DGKD: variants seen among roughly 807,000 people sequenced by gnomAD.
DGKD encodes DAG kinase delta.
DGKD carries 68 observed loss-of-function variants against 154.4 expected under a neutral mutation model. The ratio of observed to expected loss-of-function variants is 0.44; its 90% CI spans 0.36 to 0.54. The LOEUF is 0.54. DGKD is among the 20% of genes least tolerant of loss of function. The pLI is 0.00. For missense variants in DGKD, 1,343 were observed against 1,593.6 expected, an observed-to-expected ratio of 0.84 and a Z score of 2.68; for synonymous variants, 693 against 638.0, an observed-to-expected ratio of 1.09 and a Z score of -1.30.
chr2:233,392,493 TAAAC>T (rs1703688348), intron 3 of DGKD: 1 of 152,256 alleles, frequency 6.6e-6, no homozygotes, highest in African/African-American at 2.4e-5. Context: ...ATTGCAGTTT[TAAAC>T]AATTGTTTTT....
intron 3 of DGKD, among the ~76,000 whole-genome samples, chr2:233,394,461 C>T (rs1703860817): frequency 6.6e-6 from 1 of 151,864 alleles, no homozygotes; most frequent in Non-Finnish European, 1.5e-5. Context: ...TCAGGCTGGT[C>T]TCAAACTCCT....
chr2:233,442,072 C>T (rs769887007), intron 10 of DGKD, 77 bp downstream of exon 10: 1 of 1,264,348 alleles, frequency 7.9e-7, no homozygotes. Context: ...GTCTCAGCTC[C>T]TGTTCATCTC....
intron 24 of DGKD, among the ~76,000 whole-genome samples, chr2:233,460,938 G>T (rs199781440): frequency 6.6e-6 from 1 of 151,640 alleles, no homozygotes; most frequent in Non-Finnish European, 1.5e-5. Flanking sequence ...GGCTCCCGAG[G>T]GCAGCCCGCT....
intron 6 of DGKD, 69 bp downstream of exon 6, chr2:233,435,993 C>A: frequency 7.0e-7 from 1 of 1,429,582 alleles, no homozygotes; most frequent in Non-Finnish European, 9.5e-7. Flanking sequence ...CCATGCAAGC[C>A]TCCTCCCTGC....
chr2:233,419,999 C>T (rs888578116), intron 3 of DGKD, among the ~76,000 whole-genome samples: 1 of 152,098 alleles, frequency 6.6e-6, no homozygotes, highest in Non-Finnish European at 1.5e-5. Context: ...TTCAGACACT[C>T]GAGCTATTTG....
In DGKD at chr2:233,438,129, G is replaced by T. The variant is rs749269530; in HGVS notation, c.923-88G>T. On this transcript the variant is annotated intron_variant, in intron 8 of 29. Coordinates refer to ENST00000264057, the MANE Select transcript of DGKD (RefSeq NM_152879.3). The surrounding 1 kb of genome is among the most constrained non-coding windows in gnomAD (Gnocchi z 4.1). ...GCATGTGTCAGGTGTGTGTCCTTTGGGGGGGTCTGCTGCTGCTGATTCCAT... is the reference window on the plus strand; with the variant it reads ...GCATGTGTCAGGTGTGTGTCCTTTGTGGGGGTCTGCTGCTGCTGATTCCAT... 69 of 1,457,882 alleles carry T rather than the reference G, an allele frequency of 4.7e-5. No individual in the cohort carries two copies. In the East Asian group the frequency reaches 5.3e-4, roughly 11 times the overall value. The allele number at this position is 1,457,882 out of a possible 1,614,324, so 90.3% of individuals were successfully genotyped here. A position where few individuals can be genotyped will look rare whatever the true frequency, so the allele number is the denominator to read the frequency against.
Position 233,469,299 on chromosome 2 carries a change from G to A in DGKD, c.3556-72G>A. On this transcript the variant is annotated intron_variant, in intron 29 of 29. Coordinates refer to ENST00000264057, the MANE Select transcript of DGKD (RefSeq NM_152879.3). ...AAGCCGAATGGGAAGGGCCGTTGTG[G>A]CAGGCCTGCTGTGGAGCCCTCTGGC... 2.2e-6 allele frequency: 3 copies of A among 1,342,526 alleles called. No homozygotes were observed. In the South Asian group the frequency reaches 3.7e-5, roughly 17 times the overall value. 83.2% of individuals were successfully genotyped at this position (1,342,526 alleles called of 1,614,324 possible).
intron 1 of DGKD, among the ~76,000 whole-genome samples, chr2:233,368,217 A>C (rs756740480): frequency 2.0e-5 from 3 of 151,226 alleles, no homozygotes; most frequent in Non-Finnish European, 4.4e-5. Context: ...CTGTAAAGAT[A>C]TTTTCTTGGG....
At position 233,470,406 on chromosome 2, in the gene DGKD, A is replaced by G. The variant is rs1469557649; in HGVS notation, c.*946A>G. ...GGGCCAGGGGTGGTTTGACCTCTTCAGCCCGTCCGGTGGCCTGGAGGCCGG... is the reference window on the plus strand; with the variant it reads ...GGGCCAGGGGTGGTTTGACCTCTTCGGCCCGTCCGGTGGCCTGGAGGCCGG... On this transcript the variant is annotated 3_prime_UTR_variant, in exon 30 of 30. Transcript: ENST00000264057. 2.6e-5 allele frequency: 4 copies of G among 152,428 alleles called. No individual in the cohort carries two copies. The highest frequency in any genetic ancestry group is 7.2e-5 in the African/African-American group (3 of 41,456). The allele number at this position is 152,428 out of a possible 1,614,324, so 9.4% of individuals were successfully genotyped here.
intron 3 of DGKD, among the ~76,000 whole-genome samples, chr2:233,402,732 C>T (rs946216399): frequency 6.6e-6 from 1 of 152,180 alleles, no homozygotes; most frequent in East Asian, 1.9e-4. Flanking sequence ...ACTTGTTTAT[C>T]CCAGAGAATG....
chr2:233,405,767 A>G (rs1236608886), intron 3 of DGKD, among the ~76,000 whole-genome samples: 1 of 152,220 alleles, frequency 6.6e-6, no homozygotes, highest in Admixed American at 6.5e-5. Flanking sequence ...AGTCTGTGGT[A>G]TTCTGTTACA....
chr2:233,470,636 C>G lies in DGKD; in HGVS notation c.*1176C>G, dbSNP rs941432252. On this transcript the variant is annotated 3_prime_UTR_variant, in exon 30 of 30. Transcript: ENST00000264057. ...AGGGCTGTGCCCCGTAGGGACAGTGCCCAGGTGAAGGATGCCCCTGGTCCT... is the reference window on the plus strand; with the variant it reads ...AGGGCTGTGCCCCGTAGGGACAGTGGCCAGGTGAAGGATGCCCCTGGTCCT... The G allele has an allele frequency of 2.0e-5, 3 of 152,454 alleles. No homozygotes were observed. Among genetic ancestry groups the G allele is most frequent in the African/African-American group, 7.2e-5 (3 of 41,426 alleles). 9.4% of individuals were successfully genotyped at this position (152,454 alleles called of 1,614,324 possible).
intron 3 of DGKD, among the ~76,000 whole-genome samples, chr2:233,431,986 T>C (rs532626599): frequency 1.3e-5 from 2 of 152,276 alleles, no homozygotes; most frequent in Non-Finnish European, 1.5e-5. Context: ...GCATTAGCAA[T>C]GCAGGAAAAA....
At chr2:233,385,576 G>C (rs548877168) in intron 1 of DGKD, among the ~76,000 whole-genome samples, 101 of 152,308 alleles carry the variant, frequency 6.6e-4, no homozygotes, top group African/African-American at 2.2e-3. Flanking sequence ...GGCATGGCCC[G>C]AGCGAACTGT....
At chr2:233,412,516 A>G (rs780228158) in intron 3 of DGKD, among the ~76,000 whole-genome samples, 24 of 152,166 alleles carry the variant, frequency 1.6e-4, no homozygotes, top group Non-Finnish European at 3.2e-4. Context: ...AGAAAGTTCT[A>G]TATAAAGTTG....
chr2:233,446,451 C>G (rs1434460137), intron 11 of DGKD, among the ~76,000 whole-genome samples: 1 of 152,370 alleles, frequency 6.6e-6, no homozygotes, highest in African/African-American at 2.4e-5. Context: ...AAATCCATTT[C>G]TCCCAGAAGC....
At chr2:233,421,010 C>T (rs1369040179) in intron 3 of DGKD, among the ~76,000 whole-genome samples, 1 of 152,142 alleles carries the variant, frequency 6.6e-6, no homozygotes, top group African/African-American at 2.4e-5. Flanking sequence ...AAATTACCTC[C>T]AGAACTATCA....
At chr2:233,372,781 A>T (rs1298111087) in intron 1 of DGKD, among the ~76,000 whole-genome samples, 1 of 152,166 alleles carries the variant, frequency 6.6e-6, no homozygotes, top group South Asian at 2.1e-4. Flanking sequence ...AGAAATGGGT[A>T]TAACCATTTG....
chr2:233,379,155 G>A (rs936862388), intron 1 of DGKD, among the ~76,000 whole-genome samples: 3 of 152,286 alleles, frequency 2.0e-5, no homozygotes, highest in South Asian at 2.1e-4. Flanking sequence ...CTTGCAAAGC[G>A]GTGATAGCTA....
Sources: allele counts gnomAD v4.1 joint callset (sites outside exome capture counted in the v4.1 genomes callset), GRCh38; gene constraint gnomAD v4.1.1; non-coding constraint Gnocchi (gnomAD v3.1); transcripts MANE v1.5; gene names NCBI Gene and HGNC (gene_info 2026-07-23, HGNC 2026-07-21).